ADAMTS12: variants seen among roughly 807,000 people sequenced by gnomAD.
ADAMTS12 encodes A disintegrin and metalloproteinase with thrombospondin motifs 12.
ADAMTS12 carries 118 observed loss-of-function variants against 167.8 expected under a neutral mutation model. The observed-to-expected ratio is 0.70, with a 90% CI of 0.61 to 0.82. ADAMTS12 has a LOEUF of 0.82. Ranked by LOEUF, ADAMTS12 falls within the 40% of genes least tolerant of loss-of-function variation. The pLI is 0.00. For missense variants in ADAMTS12, 1,916 were observed against 1,998.8 expected, an observed-to-expected ratio of 0.96 and a Z score of 0.79; for synonymous variants, 704 against 716.9, an observed-to-expected ratio of 0.98 and a Z score of 0.29.
intron 5 of ADAMTS12, among the ~76,000 whole-genome samples, chr5:33,672,046 CACAT>C (rs1741719030): frequency 6.7e-6 from 1 of 150,074 alleles, no homozygotes; most frequent in Admixed American, 6.6e-5. Context: ...CCCACATACT[CACAT>C]ACACACTCAC....
chr5:33,699,093 G>T (rs1287289385), intron 3 of ADAMTS12, among the ~76,000 whole-genome samples: 4 of 152,126 alleles, frequency 2.6e-5, no homozygotes, highest in Non-Finnish European at 2.9e-5. Context: ...GGAGGCGGAG[G>T]TTGCAGTAAA....
intron 2 of ADAMTS12, among the ~76,000 whole-genome samples, chr5:33,814,567 T>C (rs1035237283): frequency 6.6e-6 from 1 of 152,228 alleles, no homozygotes; most frequent in Non-Finnish European, 1.5e-5. Context: ...CATATGTTTA[T>C]TGGTTTTCTG....
intron 13 of ADAMTS12, among the ~76,000 whole-genome samples, 175 bp from the exon 14 acceptor site, chr5:33,624,526 T>C (rs1042961226): frequency 6.6e-6 from 1 of 152,176 alleles, no homozygotes; most frequent in Non-Finnish European, 1.5e-5. Flanking sequence ...CATCCACCAA[T>C]GGTAAAGGCA....
At chr5:33,882,194 T>TA (rs1053197788) in intron 1 of ADAMTS12, among the ~76,000 whole-genome samples, 5 of 152,010 alleles carry the variant, frequency 3.3e-5, no homozygotes, top group African/African-American at 1.2e-4. Context: ...AAAGTCAGAT[T>TA]AGAGGGAAAA....
At chr5:33,699,739 C>T (rs994427795) in intron 3 of ADAMTS12, among the ~76,000 whole-genome samples, 1 of 151,986 alleles carries the variant, frequency 6.6e-6, no homozygotes, top group Non-Finnish European at 1.5e-5. Context: ...AAAGCTTCTA[C>T]TAAAAAGAAA....
chr5:33,788,594 G>A (rs575295067), intron 2 of ADAMTS12, among the ~76,000 whole-genome samples: 14 of 152,264 alleles, frequency 9.2e-5, no homozygotes, highest in Non-Finnish European at 2.1e-4. Flanking sequence ...GCGAGGAAAG[G>A]AATAGGGCAT....
chr5:33,833,986 T>C (rs1302831224), intron 2 of ADAMTS12, among the ~76,000 whole-genome samples: 1 of 152,140 alleles, frequency 6.6e-6, no homozygotes, highest in African/African-American at 2.4e-5. Flanking sequence ...AGGCTGGAAA[T>C]CCAAGATCAA....
intron 2 of ADAMTS12, among the ~76,000 whole-genome samples, chr5:33,849,343 A>AAT (rs1444686970): frequency 1.5e-5 from 2 of 130,290 alleles, no homozygotes; most frequent in Non-Finnish European, 3.2e-5. Flanking sequence ...ATTGAATAGC[A>AAT]ATATATATAT....
At chr5:33,579,895 C>T (rs1363825335) in intron 18 of ADAMTS12, among the ~76,000 whole-genome samples, 1 of 152,206 alleles carries the variant, frequency 6.6e-6, no homozygotes, top group African/African-American at 2.4e-5. Flanking sequence ...TCCCCAATTT[C>T]TACTGCCCTT....
At chr5:33,682,394 G>C (rs1561212060) in intron 5 of ADAMTS12, among the ~76,000 whole-genome samples, 1 of 152,170 alleles carries the variant, frequency 6.6e-6, no homozygotes, top group Non-Finnish European at 1.5e-5. Flanking sequence ...TCAAGTACTT[G>C]GATATGAGCC....
intron 2 of ADAMTS12, among the ~76,000 whole-genome samples, chr5:33,842,761 G>C (rs1328148340): frequency 6.6e-6 from 1 of 152,112 alleles, no homozygotes; most frequent in Admixed American, 6.5e-5. Context: ...AAGACCCCTG[G>C]ACACCAGGAC....
intron 1 of ADAMTS12, among the ~76,000 whole-genome samples, chr5:33,883,354 T>C (rs1314551141): frequency 3.4e-5 from 5 of 145,740 alleles, no homozygotes; most frequent in African/African-American, 5.1e-5. Flanking sequence ...TTTTTTTTTT[T>C]CCAGGCAACT....
chr5:33,721,660 G>A (rs4866381), intron 3 of ADAMTS12, among the ~76,000 whole-genome samples: 85,542 of 152,162 alleles, frequency 0.56, 25,992 homozygotes, highest in Non-Finnish European at 0.69. Flanking sequence ...CGCTTGCCCC[G>A]AGCCTTTCCT....
chr5:33,657,243 G>T (rs1486064779), intron 7 of ADAMTS12, among the ~76,000 whole-genome samples: 1 of 152,140 alleles, frequency 6.6e-6, no homozygotes, highest in African/African-American at 2.4e-5. Flanking sequence ...GGCCAGGCCT[G>T]GAATAATTCA....
chr5:33,655,628 T>TAATTTA (rs70964409), intron 7 of ADAMTS12, among the ~76,000 whole-genome samples: 4,149 of 145,734 alleles, frequency 0.028, 99 homozygotes, highest in East Asian at 0.041. Context: ...TAGTTTTATT[T>TAATTTA]ATTTAATTTA....
chr5:33,617,818 G>T (rs1739105230), intron 14 of ADAMTS12, among the ~76,000 whole-genome samples: 1 of 151,906 alleles, frequency 6.6e-6, no homozygotes, highest in Non-Finnish European at 1.5e-5. Context: ...AAATAACAGT[G>T]TTTGCTTTTT....
chr5:33,803,578 T>G (rs182387614), intron 2 of ADAMTS12, among the ~76,000 whole-genome samples: 2 of 152,182 alleles, frequency 1.3e-5, no homozygotes, highest in Non-Finnish European at 2.9e-5. Context: ...GGAGGTCAGA[T>G]GAAGAGTGAG....
At chr5:33,862,360 A>T (rs564793718) in intron 2 of ADAMTS12, among the ~76,000 whole-genome samples, 25 of 152,150 alleles carry the variant, frequency 1.6e-4, no homozygotes, top group Non-Finnish European at 7.3e-5. Flanking sequence ...GATAAAAGGG[A>T]TATCACCACT....
intron 7 of ADAMTS12, 131 bp downstream of exon 7, chr5:33,658,053 G>C: frequency 8.7e-7 from 1 of 1,146,496 alleles, no homozygotes; most frequent in Admixed American, 2.1e-5. Context: ...AGGTTGAGGA[G>C]GGTGAGTCAC....
Sources: gnomAD v4.1 joint callset for allele counts (sites outside exome capture counted in the v4.1 genomes callset) on GRCh38, gnomAD v4.1.1 for gene constraint, MANE v1.5 for transcripts, NCBI Gene and HGNC (gene_info 2026-07-23, HGNC 2026-07-21) for gene names.